Variants in CLEC19A observed in about 807,000 individuals in gnomAD.
CLEC19A encodes the protein C-type lectin domain family 19 member A.
In CLEC19A, 21 loss-of-function variants were observed where a neutral mutation model predicts 26.1. That is an observed-to-expected ratio of 0.80 (90% CI 0.57 to 1.16). The LOEUF (loss-of-function observed/expected upper bound fraction) is 1.16. Among genes scored for constraint, CLEC19A ranks in the 50% most tolerant of loss-of-function variants. The pLI, the probability that CLEC19A is intolerant of heterozygous loss-of-function variation, is 0.00. For missense variants in CLEC19A, 224 were observed against 227.6 expected (o/e 0.98, Z 0.10); for synonymous variants, 89 against 88.6 (o/e 1.00, Z -0.03).
In CLEC19A at chr16:19,307,576, C is replaced by G. The variant is rs1262271695; in HGVS notation, c.380C>G (p.Ser127Cys). 1 of 1,548,238 alleles carries G rather than the reference C, an allele frequency of 6.5e-7. No homozygotes were observed. Among genetic ancestry groups the G allele is most frequent in the Non-Finnish European group, 8.7e-7 (1 of 1,146,792 alleles). Reference protein sequence around the residue: ...EGQFEWTDGSSYDYSYWDGSQ... With the variant: ...EGQFEWTDGSCYDYSYWDGSQ... ...CAGTTTGAATGGACTGATGGCTCAT[C>G]CTATGACTACAGCTACTGGGATGGC... Residue 127 changes from serine (S) to cysteine (C), a missense_variant, in exon 4 of 5, where the codon TCC becomes TGC. By Grantham distance (112) the Ser-to-Cys change is moderately radical. Transcript: ENST00000636231.
In CLEC19A at chr16:19,285,786, C is replaced by T. The variant is rs1005719158; in HGVS notation, c.-66C>T. The T allele has an allele frequency of 2.1e-5, 30 of 1,440,840 alleles. No individual in the cohort carries two copies. The highest frequency in any genetic ancestry group is 4.2e-5 in the African/African-American group (3 of 70,920). The allele number at this position is 1,440,840 out of a possible 1,614,324, so 89.3% of individuals were successfully genotyped here. A position where few individuals can be genotyped will look rare whatever the true frequency, so the allele number is the denominator to read the frequency against. On this transcript the variant is annotated 5_prime_UTR_variant, in exon 1 of 5. Transcript: ENST00000636231. ...TGACCCTAGGAGAGCAATCCTGGAC[C>T]CAAGCTCCAGCCAAAAAGCCTCTCT...
intron 3 of CLEC19A, among the ~76,000 whole-genome samples, chr16:19,306,195 G>C (rs2143011195): frequency 6.7e-6 from 1 of 150,152 alleles, no homozygotes; most frequent in Non-Finnish European, 1.5e-5. Context: ...GCTCAGGCTG[G>C]AGAGCAGTGG....
At chr16:19,290,128 A>G (rs1897552155) in intron 1 of CLEC19A, among the ~76,000 whole-genome samples, 1 of 151,882 alleles carries the variant, frequency 6.6e-6, no homozygotes, top group Admixed American at 6.6e-5. Flanking sequence ...TCCTTTAAAA[A>G]GAGTGGGGGT....
At chr16:19,289,794 C>T (rs542692168) in intron 1 of CLEC19A, among the ~76,000 whole-genome samples, 7 of 152,354 alleles carry the variant, frequency 4.6e-5, no homozygotes, top group South Asian at 2.1e-4. Flanking sequence ...CCACCAGTTC[C>T]GCTTCCCAGA....
intron 3 of CLEC19A, 146 bp from the exon 4 acceptor site, chr16:19,307,399 C>A: frequency 2.4e-6 from 2 of 821,888 alleles, no homozygotes; most frequent in Non-Finnish European, 3.7e-6. Flanking sequence ...AGCAGTAGTG[C>A]CAGATAGCAG....
chr16:19,305,823 TG>T (rs1383877722), intron 3 of CLEC19A, among the ~76,000 whole-genome samples: 1 of 152,054 alleles, frequency 6.6e-6, no homozygotes, highest in African/African-American at 2.4e-5. Context: ...TGAGTTTTTT[TG>T]GGTTTTTTTG....
rs1897986144 is a variant in CLEC19A at position 19,307,682 on chromosome 16, G to A, written c.481+5G>A. On this transcript the variant is annotated splice_donor_5th_base_variant and intron_variant, in intron 4 of 4. Coordinates refer to ENST00000636231, the MANE Select transcript of CLEC19A (RefSeq NM_001256720.2). Reference sequence around the variant, plus strand: ...TATGGTACAGGCCTACCAGTGGTGGGTACCCCTGAGACCAAGGCTCTTGCA... The same window carrying A: ...TATGGTACAGGCCTACCAGTGGTGGATACCCCTGAGACCAAGGCTCTTGCA... 1 of 1,548,086 alleles carries A rather than the reference G, an allele frequency of 6.5e-7. No individual in the cohort carries two copies. Among genetic ancestry groups the A allele is most frequent in the Non-Finnish European group, 8.7e-7 (1 of 1,146,730 alleles).
In CLEC19A at chr16:19,309,099, C is replaced by G. The variant is rs1459453351; in HGVS notation, c.*16C>G. ...CATTCATTGATCCTGTCTTGTCCTA[C>G]TGGTGTGAGCTCAACTCTAGTATCA... On this transcript the variant is annotated 3_prime_UTR_variant, in exon 5 of 5. Coordinates refer to ENST00000636231, the MANE Select transcript of CLEC19A (RefSeq NM_001256720.2). 6.5e-7 allele frequency: 1 copy of G among 1,534,606 alleles called. No homozygotes were observed. Among genetic ancestry groups the G allele is most frequent in the Non-Finnish European group, 8.8e-7 (1 of 1,134,366 alleles).
rs1897903304 is a variant in CLEC19A, at chr16:19,304,335, C to T, written c.348+180C>T. The stretch of plus-strand genomic sequence containing the variant: ...ATTTGTGAAAGACATTTAATGATGT[C>T]CTACTAAATGATGGGAACAGATAGC... On this transcript the variant is annotated intron_variant, in intron 3 of 4. Coordinates refer to ENST00000636231, the MANE Select transcript of CLEC19A (RefSeq NM_001256720.2). 5.3e-6 allele frequency: 3 copies of T among 564,470 alleles called. No homozygotes were observed. The Admixed American group carries it at 8.0e-5, about 15-fold the overall frequency. 35.0% of individuals were successfully genotyped at this position (564,470 alleles called of 1,614,324 possible).
At position 19,286,017 on chromosome 16, in the gene CLEC19A, C is replaced by G. The variant is rs1897460652; in HGVS notation, c.88+78C>G. The G allele has an allele frequency of 7.8e-6, 11 of 1,411,770 alleles. No homozygotes were observed. The South Asian group carries it at 1.2e-4, about 16-fold the overall frequency. 87.5% of individuals were successfully genotyped at this position (1,411,770 alleles called of 1,614,324 possible). A position where few individuals can be genotyped will look rare whatever the true frequency, so the allele number is the denominator to read the frequency against. On this transcript the variant is annotated intron_variant, in intron 1 of 4. Coordinates refer to ENST00000636231, the MANE Select transcript of CLEC19A (RefSeq NM_001256720.2). Reference sequence around the variant, plus strand: ...AACTTATTCTATCGGTGAGGCCTGGCAGCTTCTGTTGGGGGGTTGGGGTGG... The same window carrying G: ...AACTTATTCTATCGGTGAGGCCTGGGAGCTTCTGTTGGGGGGTTGGGGTGG...
At chr16:19,293,283 C>T (rs1205112818) in intron 1 of CLEC19A, among the ~76,000 whole-genome samples, 1 of 152,042 alleles carries the variant, frequency 6.6e-6, no homozygotes, top group Non-Finnish European at 1.5e-5. Context: ...TAACAGACAT[C>T]CTAAGTTGGA....
At position 19,295,443 on chromosome 16, in the gene CLEC19A, T is replaced by G. The variant is rs1897686765; in HGVS notation, c.89-3230T>G. On this transcript the variant is annotated intron_variant, in intron 1 of 4. Transcript: ENST00000636231. ...GTCTTGAACTCCTGGACTCAAGCAGTCCACCCACCTCAGCCTCCCAAGGTG... is the reference window on the plus strand; with the variant it reads ...GTCTTGAACTCCTGGACTCAAGCAGGCCACCCACCTCAGCCTCCCAAGGTG... Among the ~76,000 whole-genome samples, 3 of 152,108 alleles carry G rather than the reference T, an allele frequency of 2.0e-5. No homozygotes were observed. The South Asian group carries it at 6.2e-4, about 32-fold the overall frequency.
intron 3 of CLEC19A, among the ~76,000 whole-genome samples, chr16:19,305,677 C>T (rs1359645325): frequency 6.6e-6 from 1 of 152,146 alleles, no homozygotes; most frequent in Non-Finnish European, 1.5e-5. Flanking sequence ...ATGAAAATAA[C>T]AGTGCCTTGT....
At position 19,287,517 on chromosome 16, in the gene CLEC19A, C is replaced by T. The variant is rs190893433; in HGVS notation, c.88+1578C>T. Among the ~76,000 whole-genome samples, 216 of 152,238 alleles carry T rather than the reference C, an allele frequency of 1.4e-3. 1 individual carries two copies. The highest frequency in any genetic ancestry group is 5.0e-3 in the African/African-American group (207 of 41,548). On this transcript the variant is annotated intron_variant, in intron 1 of 4. Transcript: ENST00000636231. The stretch of plus-strand genomic sequence containing the variant: ...TAGCAGTGACTTGCCTCCTTACTCT[C>T]GGACCTCAGTTTCCTCACCAATACA...
chr16:19,289,146 T>C (rs376663264), intron 1 of CLEC19A, among the ~76,000 whole-genome samples: 1 of 152,200 alleles, frequency 6.6e-6, no homozygotes, highest in Admixed American at 6.5e-5. Context: ...AGTTGGAGCA[T>C]AGAGACATAG....
intron 1 of CLEC19A, among the ~76,000 whole-genome samples, chr16:19,290,793 A>C (rs1291019334): frequency 6.6e-6 from 1 of 151,994 alleles, no homozygotes; most frequent in Admixed American, 6.6e-5. Context: ...ACACATCCAC[A>C]AATTACATGC....
intron 3 of CLEC19A, 60 bp downstream of exon 3, chr16:19,304,215 T>A (rs969112687): frequency 8.5e-6 from 12 of 1,410,348 alleles, no homozygotes; most frequent in African/African-American, 5.7e-5. Context: ...CTATTTTGAT[T>A]TAATAAGCTT....
chr16:19,303,651 A>ATT (rs1897881917), intron 2 of CLEC19A, among the ~76,000 whole-genome samples: 1 of 152,200 alleles, frequency 6.6e-6, no homozygotes, highest in Non-Finnish European at 1.5e-5. Context: ...AAGGGGATAT[A>ATT]TTATAAATGG....
chr16:19,306,877 G>A (rs1488076557), intron 3 of CLEC19A, among the ~76,000 whole-genome samples: 5 of 152,242 alleles, frequency 3.3e-5, no homozygotes, highest in South Asian at 4.2e-4. Flanking sequence ...ATTACATGAC[G>A]TAGGCTCCAT....
Sources: gnomAD v4.1 joint callset for allele counts (sites outside exome capture counted in the v4.1 genomes callset) on GRCh38, gnomAD v4.1.1 for gene constraint, MANE v1.5 for transcripts, NCBI Gene and HGNC (gene_info 2026-07-23, HGNC 2026-07-21) for gene names.